Variants in NAALADL2 observed in about 807,000 individuals in gnomAD.
The protein encoded by NAALADL2 is inactive N-acetylated-alpha-linked acidic dipeptidase-like protein 2.
NAALADL2 carries 76 observed loss-of-function variants against 87.2 expected under a neutral mutation model. That is an observed-to-expected ratio of 0.87 (90% CI 0.72 to 1.05). The LOEUF (loss-of-function observed/expected upper bound fraction) is 1.05. Ranked by LOEUF, NAALADL2 falls within the 50% of genes least tolerant of loss-of-function variation. NAALADL2 has a pLI of 0.00. For missense variants in NAALADL2, 1,089 were observed against 945.8 expected, an observed-to-expected ratio of 1.15 and a Z score of -1.99; for synonymous variants, 354 against 331.0, an observed-to-expected ratio of 1.07 and a Z score of -0.75.
chr3:175,611,664 T>C (rs1260117419), intron 10 of NAALADL2, among the ~76,000 whole-genome samples: 1 of 152,132 alleles, frequency 6.6e-6, no homozygotes, highest in Non-Finnish European at 1.5e-5. Flanking sequence ...CAAATGAAAA[T>C]TAAGGAAAGA....
chr3:174,810,862 C>T (rs1017576574), intron 3 of NAALADL2, among the ~76,000 whole-genome samples: 5 of 152,130 alleles, frequency 3.3e-5, no homozygotes, highest in Non-Finnish European at 7.3e-5. Context: ...GGCCTGGAGG[C>T]CTAAGAGGAA....
At chr3:174,725,619 A>T (rs1732107065) in intron 2 of NAALADL2, among the ~76,000 whole-genome samples, 4 of 152,194 alleles carry the variant, frequency 2.6e-5, no homozygotes, top group Admixed American at 2.6e-4. Context: ...ACTGAATCTG[A>T]TATTATTGCA....
intron 3 of NAALADL2, among the ~76,000 whole-genome samples, chr3:175,242,187 A>T (rs764281174): frequency 1.3e-5 from 2 of 152,080 alleles, no homozygotes; most frequent in Non-Finnish European, 2.9e-5. Flanking sequence ...ATTTGACTTA[A>T]AGTTATTTCT....
chr3:174,449,599 A>G (rs1715328606), intron 1 of NAALADL2, among the ~76,000 whole-genome samples: 1 of 152,170 alleles, frequency 6.6e-6, no homozygotes, highest in Non-Finnish European at 1.5e-5. Context: ...TTGTCAAAGC[A>G]CAGTGTACAT....
intron 1 of NAALADL2, among the ~76,000 whole-genome samples, chr3:175,001,624 A>G (rs1479950050): frequency 6.6e-6 from 1 of 152,026 alleles, no homozygotes; most frequent in Non-Finnish European, 1.5e-5. Flanking sequence ...TGTTTTTCGT[A>G]ATACCCTGGA....
chr3:175,011,128 T>A (rs949547972), intron 1 of NAALADL2, among the ~76,000 whole-genome samples: 5 of 152,128 alleles, frequency 3.3e-5, no homozygotes, highest in Non-Finnish European at 7.4e-5. Context: ...TTTTTCCTCC[T>A]TGATCCATAA....
At chr3:174,442,018 G>T (rs1413665426) in intron 1 of NAALADL2, among the ~76,000 whole-genome samples, 1 of 151,748 alleles carries the variant, frequency 6.6e-6, no homozygotes, top group Non-Finnish European at 1.5e-5. Flanking sequence ...TGTTGCTTCT[G>T]TTGAAGGAAT....
intron 13 of NAALADL2, among the ~76,000 whole-genome samples, chr3:175,787,765 A>AT (rs1404599440): frequency 6.6e-6 from 1 of 152,226 alleles, no homozygotes. Context: ...GAACAAAGAT[A>AT]TAAAAAAAAG....
intron 1 of NAALADL2, among the ~76,000 whole-genome samples, chr3:174,911,511 G>GTGCA (rs1184113656): frequency 1.3e-5 from 2 of 152,086 alleles, no homozygotes; most frequent in African/African-American, 4.8e-5. Context: ...TGGTAAGAGT[G>GTGCA]CCCCAGTGCA....
intron 3 of NAALADL2, among the ~76,000 whole-genome samples, chr3:174,740,684 A>C (rs1733682937): frequency 1.3e-5 from 2 of 151,864 alleles, no homozygotes; most frequent in African/African-American, 4.8e-5. Flanking sequence ...AACGGTAAAA[A>C]TTTAGCCATA....
In NAALADL2 at chr3:175,076,412, C is replaced by T. The variant is rs746224422; in HGVS notation, c.44-20378C>T. ...GGGCAGAGACTAAACCAGATATGCT[C>T]GATTTTAAAAGATAACTCTGATAGC... is the stretch of plus-strand genomic sequence containing the variant. On this transcript the variant is annotated intron_variant, in intron 1 of 13. Coordinates refer to ENST00000454872, the MANE Select transcript of NAALADL2 (RefSeq NM_207015.3). Among the ~76,000 whole-genome samples the T allele has an allele frequency of 6.0e-5, 9 of 149,196 alleles. No individual in the cohort carries two copies. The South Asian group carries it at 6.4e-4, about 11-fold the overall frequency.
At chr3:174,837,282 C>T (rs1207486885) in intron 3 of NAALADL2, among the ~76,000 whole-genome samples, 1 of 152,098 alleles carries the variant, frequency 6.6e-6, no homozygotes, top group African/African-American at 2.4e-5. Context: ...AAAATTCAAA[C>T]AAGCTTAGTT....
intron 3 of NAALADL2, among the ~76,000 whole-genome samples, chr3:174,792,120 C>T (rs796196596): frequency 2.6e-4 from 40 of 152,202 alleles, no homozygotes; most frequent in African/African-American, 8.7e-4. Flanking sequence ...ACTCAGGAAG[C>T]TGAGGTGGGA....
intron 1 of NAALADL2, among the ~76,000 whole-genome samples, chr3:175,041,394 C>G (rs1271287388): frequency 6.6e-6 from 1 of 152,112 alleles, no homozygotes; most frequent in Non-Finnish European, 1.5e-5. Context: ...TCACAGCACC[C>G]TCTGTCATCT....
Position 174,573,078 on chromosome 3 carries a change from C to A in NAALADL2, c.-115+22441C>A, listed in dbSNP as rs184881577. On this transcript the variant is annotated intron_variant, in intron 2 of 3. Transcript: ENST00000434257. ...AGCTCATCACAGATTACCACCGCAT[C>A]ACTACCTACTGTATGTATGTATATC... Among the ~76,000 whole-genome samples the A allele has an allele frequency of 5.9e-5, 9 of 152,282 alleles. No homozygotes were observed. The East Asian group carries it at 1.7e-3, about 29-fold the overall frequency.
At chr3:175,576,014 G>A (rs1466635590) in intron 9 of NAALADL2, 27 bp from the exon 10 acceptor site, 2 of 1,593,842 alleles carry the variant, frequency 1.3e-6, no homozygotes, top group Admixed American at 3.5e-5. Flanking sequence ...CATAGTATGT[G>A]TTAACAATTT....
At chr3:174,530,866 T>C (rs931677357) in intron 1 of NAALADL2, among the ~76,000 whole-genome samples, 4 of 152,134 alleles carry the variant, frequency 2.6e-5, no homozygotes, top group African/African-American at 9.7e-5. Flanking sequence ...ACGAAAAACC[T>C]ACACACACAG....
chr3:175,777,805 G>A (rs1750449290), intron 13 of NAALADL2, among the ~76,000 whole-genome samples: 1 of 152,138 alleles, frequency 6.6e-6, no homozygotes, highest in Non-Finnish European at 1.5e-5. Flanking sequence ...CTGAGAGTCA[G>A]TAGCTGGATC....
At chr3:175,104,138 C>T (rs1407715474) in intron 2 of NAALADL2, among the ~76,000 whole-genome samples, 3 of 152,064 alleles carry the variant, frequency 2.0e-5, no homozygotes, top group Non-Finnish European at 4.4e-5. Context: ...CCCATGTTAA[C>T]TTCCTTCCAT....
Sources: gnomAD v4.1 joint callset for allele counts (sites outside exome capture counted in the v4.1 genomes callset) on GRCh38, gnomAD v4.1.1 for gene constraint, MANE v1.5 for transcripts, NCBI Gene and HGNC (gene_info 2026-07-23, HGNC 2026-07-21) for gene names.